The following ANK2 variants were observed in gnomAD, a reference collection of about 807,000 sequenced individuals.
The protein encoded by ANK2 is ankyrin 2, also known as ankyrin-2.
ANK2 carries 83 observed loss-of-function variants against 360.5 expected under a neutral mutation model. The ratio of observed to expected loss-of-function variants is 0.23; its 90% CI spans 0.19 to 0.28. The LOEUF is 0.28. ANK2 is among the 10% of genes least tolerant of loss of function. ANK2 has a pLI of 1.00. For missense variants in ANK2, 4,201 were observed against 4,795.7 expected (o/e 0.88, Z 3.66); for synonymous variants, 1,740 against 1,759.5 (o/e 0.99, Z 0.28).
chr4:113,237,488 C>T lies in ANK2; in HGVS notation c.670-111C>T. The stretch of plus-strand genomic sequence containing the variant: ...GGGGATGTCTTCTTCCAGTAGAATG[C>T]ATTTTGCCATGTTGGAACAGTATAC... On this transcript the variant is annotated intron_variant, in intron 6 of 45. Transcript: ENST00000357077. 4 of 1,047,634 alleles carry T rather than the reference C, an allele frequency of 3.8e-6. No homozygotes were observed. The Admixed American group carries it at 5.1e-5, about 13-fold the overall frequency. The allele number at this position is 1,047,634 out of a possible 1,614,324, so 64.9% of individuals were successfully genotyped here.
chr4:113,014,848 C>CTTTTTT lies in ANK2; in HGVS notation c.21+110357_21+110362dup, dbSNP rs530387481. ...GTCTGTATAGATGTGGATCATAGAG[C>CTTTTTT]TTTTTTTTTTTTTTTTTTTTTTTTT... On this transcript the variant is annotated intron_variant, in intron 2 of 30. Coordinates refer to the ANK2 transcript ENST00000503271. Among the ~76,000 whole-genome samples the CTTTTTT allele has an allele frequency of 7.1e-5, 5 of 70,330 alleles. 1 individual carries two copies. Among genetic ancestry groups the CTTTTTT allele is most frequent in the Admixed American group, 2.4e-4 (1 of 4,108 alleles). The allele number at this position is 70,330 out of a possible 152,430, so 46.1% of individuals were successfully genotyped here.
At position 113,250,572 on chromosome 4, in the gene ANK2, T is replaced by C. The variant is rs1012459046; in HGVS notation, c.990+710T>C. 2.0e-5 allele frequency among the ~76,000 whole-genome samples: 3 copies of C among 152,344 alleles called. No individual in the cohort carries two copies. In the East Asian group the frequency reaches 5.8e-4, roughly 29 times the overall value. ...TATTTTAAATGCTTTTATTATTGTA[T>C]AGTTCTCTATTATCCAACCCTACAT... On this transcript the variant is annotated intron_variant, in intron 10 of 45. Transcript: ENST00000357077.
intron 1 of ANK2, among the ~76,000 whole-genome samples, chr4:112,837,054 C>A (rs888828016): frequency 6.6e-6 from 1 of 152,234 alleles, no homozygotes; most frequent in Non-Finnish European, 1.5e-5. Context: ...GTCTTCAAGG[C>A]AGCCCCTCCC....
At chr4:112,777,221 C>T in the ANK2 span, among the ~76,000 whole-genome samples, 1 of 151,966 alleles carries the variant, frequency 6.6e-6, no homozygotes, top group Non-Finnish European at 1.5e-5. Flanking sequence ...ACTGGCTCAC[C>T]AAGTAAATTT....
At chr4:113,169,312 A>T (rs2097860127) in intron 1 of ANK2, among the ~76,000 whole-genome samples, 1 of 152,322 alleles carries the variant, frequency 6.6e-6, no homozygotes, top group African/African-American at 2.4e-5. Flanking sequence ...CTTATCCTAC[A>T]TGCCTAGGAA....
rs184373824 is a variant in ANK2, at chr4:113,243,495, T to C, written c.891+1286T>C. Among the ~76,000 whole-genome samples the C allele has an allele frequency of 1.8e-4, 27 of 152,320 alleles. No homozygotes were observed. The East Asian group carries it at 5.0e-3, about 28-fold the overall frequency. On this transcript the variant is annotated intron_variant, in intron 9 of 45. Coordinates refer to ENST00000357077, the MANE Select transcript of ANK2 (RefSeq NM_001148.6). ...CTTAATCTCACTTCTCTAAAACTTT[T>C]GGTCCAGAGTGGCTACATCACAACA...
chr4:113,038,236 G>A (rs540557539), intron 2 of ANK2, among the ~76,000 whole-genome samples: 8 of 151,998 alleles, frequency 5.3e-5, no homozygotes, highest in East Asian at 1.9e-4. Context: ...AAAGAATTCC[G>A]GTGAATTGAT....
At chr4:113,184,331 G>A (rs924882913) in intron 2 of ANK2, among the ~76,000 whole-genome samples, 6 of 151,738 alleles carry the variant, frequency 4.0e-5, no homozygotes, top group Non-Finnish European at 7.4e-5. Flanking sequence ...CATAAACAGG[G>A]ATAGAGGACA....
intron 1 of ANK2, among the ~76,000 whole-genome samples, chr4:112,861,839 C>CAG (rs141841376): frequency 0.013 from 1,821 of 140,492 alleles, 14 homozygotes; most frequent in Admixed American, 0.017. Flanking sequence ...TACATAGAGA[C>CAG]AGAGAGAGAG....
chr4:113,073,025 A>C (rs1183293926), intron 1 of ANK2, among the ~76,000 whole-genome samples: 1 of 126,826 alleles, frequency 7.9e-6, no homozygotes, highest in Non-Finnish European at 1.5e-5. Context: ...ACAGTGGTGC[A>C]ATCTCAGCTC....
chr4:113,131,887 G>A (rs930883542), intron 1 of ANK2, among the ~76,000 whole-genome samples: 7 of 152,144 alleles, frequency 4.6e-5, no homozygotes, highest in African/African-American at 1.2e-4. Flanking sequence ...AAACACATCC[G>A]GGCAAGATAT....
At chr4:112,781,730 TTTAC>T in the ANK2 span, among the ~76,000 whole-genome samples, 1 of 152,218 alleles carries the variant, frequency 6.6e-6, no homozygotes, top group South Asian at 2.1e-4. Flanking sequence ...CAACATAAAG[TTTAC>T]TTATAAGTAT....
intron 2 of ANK2, among the ~76,000 whole-genome samples, chr4:112,956,598 A>G (rs1313546740): frequency 6.6e-6 from 1 of 152,224 alleles, no homozygotes; most frequent in Admixed American, 6.5e-5. Flanking sequence ...AGGATAATTC[A>G]TGTCCTAAGC....
intron 26 of ANK2, among the ~76,000 whole-genome samples, chr4:113,324,301 C>T (rs2088412778): frequency 6.6e-6 from 1 of 152,076 alleles, no homozygotes; most frequent in Non-Finnish European, 1.5e-5. Flanking sequence ...GCTATAAATG[C>T]AACCTTTTGA....
At chr4:112,855,497 T>C (rs1033043364) in intron 1 of ANK2, among the ~76,000 whole-genome samples, 1 of 152,340 alleles carries the variant, frequency 6.6e-6, no homozygotes, top group African/African-American at 2.4e-5. Context: ...ATTGGCCCTA[T>C]ATTTTTAGAG....
At chr4:113,194,872 TC>T (rs1018377286) in intron 2 of ANK2, among the ~76,000 whole-genome samples, 1 of 152,166 alleles carries the variant, frequency 6.6e-6, no homozygotes, top group Admixed American at 6.5e-5. Flanking sequence ...TTTAGTTGTT[TC>T]CCATTTGGTA....
chr4:113,181,998 A>G (rs1253107310), intron 2 of ANK2, among the ~76,000 whole-genome samples: 1 of 151,996 alleles, frequency 6.6e-6, no homozygotes, highest in Non-Finnish European at 1.5e-5. Flanking sequence ...CTGAAAGGGA[A>G]CAAGGGCAGA....
chr4:112,718,312 A>G, the ANK2 span, among the ~76,000 whole-genome samples: 33 of 152,206 alleles, frequency 2.2e-4, no homozygotes, highest in African/African-American at 7.7e-4. Context: ...ATCCTATTAG[A>G]CTTCTTAATT....
At chr4:113,257,689 A>T (rs1043152121) in intron 11 of ANK2, among the ~76,000 whole-genome samples, 1 of 152,214 alleles carries the variant, frequency 6.6e-6, no homozygotes, top group Non-Finnish European at 1.5e-5. Flanking sequence ...TCTTCAGTTC[A>T]TCTTCAAGTA....
Sources: allele counts gnomAD v4.1 joint callset (sites outside exome capture counted in the v4.1 genomes callset), GRCh38; gene constraint gnomAD v4.1.1; transcripts MANE v1.5; gene names NCBI Gene and HGNC (gene_info 2026-07-23, HGNC 2026-07-21).